Variants in ARFGEF1 observed in about 807,000 individuals in gnomAD.
ARFGEF1 encodes brefeldin A-inhibited guanine nucleotide-exchange protein 1.
In ARFGEF1, 42 loss-of-function variants were observed where a neutral mutation model predicts 231.0. The ratio of observed to expected loss-of-function variants is 0.18; its 90% CI spans 0.14 to 0.24. The LOEUF (loss-of-function observed/expected upper bound fraction) is 0.24. Ranked by LOEUF, ARFGEF1 falls within the 10% of genes least tolerant of loss-of-function variation. ARFGEF1 has a pLI of 1.00. For synonymous variants in ARFGEF1, 710 were observed against 732.3 expected, an observed-to-expected ratio of 0.97 and a Z score of 0.49; for missense variants, 1,345 against 2,192.0, an observed-to-expected ratio of 0.61 and a Z score of 7.72.
At chr8:67,174,105 T>C (rs1485795094), downstream of ARFGEF1, 1 of 152,184 alleles carries the variant, frequency 6.6e-6, no homozygotes, top group East Asian at 1.9e-4. Context: ...CAAAAAGGTT[T>C]AAGCCATAGA....
chr8:67,271,674 T>G (rs757247528), intron 10 of ARFGEF1, 28 bp downstream of exon 10: 1 of 1,456,362 alleles, frequency 6.9e-7, no homozygotes. Flanking sequence ...TATCCAATAG[T>G]AACATTATGC....
chr8:67,230,965 A>G (rs1470300947), intron 23 of ARFGEF1, among the ~76,000 whole-genome samples: 1 of 152,146 alleles, frequency 6.6e-6, no homozygotes, highest in Non-Finnish European at 1.5e-5. Flanking sequence ...CTGTTGGTTA[A>G]TAAACCAGAA....
At chr8:67,211,824 G>A (rs1297111800) in intron 33 of ARFGEF1, among the ~76,000 whole-genome samples, 1 of 152,178 alleles carries the variant, frequency 6.6e-6, no homozygotes, top group Non-Finnish European at 1.5e-5. Context: ...GCTCAGGTCT[G>A]AAACCATCCA....
intron 9 of ARFGEF1, among the ~76,000 whole-genome samples, chr8:67,273,445 A>G (rs1051215589): frequency 8.7e-5 from 12 of 137,728 alleles, no homozygotes; most frequent in African/African-American, 3.2e-4. Flanking sequence ...AAAAAAAAAA[A>G]GTAGCCCAAA....
At chr8:67,250,125 C>A (rs1277400647) in intron 19 of ARFGEF1, among the ~76,000 whole-genome samples, 1 of 152,174 alleles carries the variant, frequency 6.6e-6, no homozygotes, top group African/African-American at 2.4e-5. Context: ...AGCCAGGTCA[C>A]AGAAAGTCTA....
At chr8:67,246,844 A>C (rs1333727170) in intron 19 of ARFGEF1, among the ~76,000 whole-genome samples, 1 of 150,206 alleles carries the variant, frequency 6.7e-6, no homozygotes, top group African/African-American at 2.5e-5. Flanking sequence ...AACTTGACAA[A>C]CCTTAACCAA....
chr8:67,187,943 A>G (rs1279244638), intron 5 of ARFGEF1, among the ~76,000 whole-genome samples: 1 of 152,240 alleles, frequency 6.6e-6, no homozygotes, highest in Non-Finnish European at 1.5e-5. Flanking sequence ...TGATAACAAC[A>G]GAAAATCTAG....
intron 20 of ARFGEF1, among the ~76,000 whole-genome samples, 183 bp downstream of exon 20, chr8:67,239,979 A>G (rs1016387022): frequency 2.6e-5 from 4 of 152,276 alleles, no homozygotes; most frequent in Non-Finnish European, 5.9e-5. Flanking sequence ...ACAGATCAGT[A>G]TAGAACTACC....
intron 29 of ARFGEF1, among the ~76,000 whole-genome samples, chr8:67,219,911 G>T (rs1480544926): frequency 6.6e-6 from 1 of 152,130 alleles, no homozygotes; most frequent in Non-Finnish European, 1.5e-5. Context: ...AGCCAAAAAA[G>T]AAAATACATA....
intron 1 of ARFGEF1, among the ~76,000 whole-genome samples, chr8:67,330,251 A>C (rs2128932920): frequency 6.6e-6 from 1 of 152,248 alleles, no homozygotes; most frequent in Admixed American, 6.5e-5. Context: ...CTATTTCATA[A>C]GGAAAACAAT....
At position 67,343,339 on chromosome 8, in the gene ARFGEF1, G is replaced by C. The variant is rs546462471; in HGVS notation, c.-52C>G. 1.2e-5 allele frequency: 20 copies of C among 1,602,822 alleles called. No homozygotes were observed. The highest frequency in any genetic ancestry group is 1.7e-5 in the Non-Finnish European group (20 of 1,173,578). ...GTCCGACCCGCGGCTCCCAGCGGCT[G>C]GAGGGGAGGAGGAGGAGAGGAAGGA... On this transcript the variant is annotated 5_prime_UTR_variant, in exon 1 of 39. Transcript: ENST00000262215.
intron 36 of ARFGEF1, among the ~76,000 whole-genome samples, chr8:67,202,696 C>A (rs1014194458): frequency 6.6e-6 from 1 of 152,110 alleles, no homozygotes; most frequent in African/African-American, 2.4e-5. Flanking sequence ...GAGCTCTGGC[C>A]ACTCCCAGTA....
intron 14 of ARFGEF1, among the ~76,000 whole-genome samples, chr8:67,262,554 T>C (rs1034930760): frequency 2.6e-5 from 4 of 152,206 alleles, no homozygotes; most frequent in African/African-American, 9.6e-5. Flanking sequence ...CATATTACTG[T>C]AGGTAAATAC....
At chr8:67,262,584 C>A (rs1055744473) in intron 14 of ARFGEF1, among the ~76,000 whole-genome samples, 1 of 152,162 alleles carries the variant, frequency 6.6e-6, no homozygotes, top group African/African-American at 2.4e-5. Context: ...GCATTACATG[C>A]TACAGAGAAA....
chr8:67,343,096 C>T (rs1056029122), intron 1 of ARFGEF1, 68 bp downstream of exon 1: 3 of 493,636 alleles, frequency 6.1e-6, no homozygotes, highest in African/African-American at 5.9e-5. Flanking sequence ...CGACCCCACC[C>T]CCCCACAGGC....
intron 1 of ARFGEF1, among the ~76,000 whole-genome samples, chr8:67,307,316 A>G (rs1235680333): frequency 6.6e-6 from 1 of 152,198 alleles, no homozygotes; most frequent in Non-Finnish European, 1.5e-5. Context: ...AATTAATCAC[A>G]AGTAGCTTTG....
intron 33 of ARFGEF1, among the ~76,000 whole-genome samples, chr8:67,216,100 T>C (rs906232375): frequency 5.3e-5 from 8 of 152,318 alleles, no homozygotes; most frequent in South Asian, 4.1e-4. Flanking sequence ...GTCTGTGACA[T>C]TGACCAAAGA....
At position 67,218,041 on chromosome 8, in the gene ARFGEF1, T is replaced by C; in HGVS notation, c.4436A>G (p.Asp1479Gly). 1 of 1,612,082 alleles carries C rather than the reference T, an allele frequency of 6.2e-7. No individual in the cohort carries two copies. Among genetic ancestry groups the C allele is most frequent in the Non-Finnish European group, 8.5e-7 (1 of 1,179,106 alleles). Residue 1479 changes from aspartate (D) to glycine (G), a missense_variant, in exon 31 of 39, where the codon GAT (aspartate) becomes GGT (glycine). By Grantham distance (94) the Asp-to-Gly change is moderately conservative. This residue lies in a region of ARFGEF1 where 54 missense variants were observed against 86.5 expected (regional missense o/e 0.62). Coordinates refer to ENST00000262215, the MANE Select transcript of ARFGEF1 (RefSeq NM_006421.5). Reference sequence around the variant, plus strand: ...CCAGTAGAGCTGAGCAAAAATGTCATCCAAAAGTACATCACTGAGTACTTC... The same window carrying C: ...CCAGTAGAGCTGAGCAAAAATGTCACCCAAAAGTACATCACTGAGTACTTC... ...YLEVLSDVLL[D>G]DIFAQLYWCV...
At chr8:67,189,674 T>C (rs529811161) in intron 5 of ARFGEF1, among the ~76,000 whole-genome samples, 6 of 152,288 alleles carry the variant, frequency 3.9e-5, no homozygotes, top group East Asian at 1.9e-4. Flanking sequence ...CTTGTTCTTA[T>C]GAGGATAAAC....
Sources: allele counts gnomAD v4.1 joint callset (sites outside exome capture counted in the v4.1 genomes callset), GRCh38; gene constraint gnomAD v4.1.1; regional missense constraint gnomAD v4.1.1; transcripts MANE v1.5; gene names NCBI Gene and HGNC (gene_info 2026-07-23, HGNC 2026-07-21).